Variants in CNTN4 observed in about 807,000 individuals in gnomAD.
CNTN4 encodes the protein contactin 4.
Under a neutral mutation model 122.5 loss-of-function variants are expected in CNTN4, and 77 were observed. The observed-to-expected ratio is 0.63, with a 90% CI of 0.52 to 0.76. The LOEUF (loss-of-function observed/expected upper bound fraction) is 0.76. Among genes scored for constraint, CNTN4 ranks in the 30% least tolerant of loss-of-function variants. The pLI is 0.00. For missense variants in CNTN4, 1,256 were observed against 1,259.1 expected (o/e 1.00, Z 0.04); for synonymous variants, 512 against 447.0 (o/e 1.15, Z -1.83).
At chr3:2,782,256 G>A (rs1304023365) in intron 6 of CNTN4, among the ~76,000 whole-genome samples, 1 of 151,472 alleles carries the variant, frequency 6.6e-6, no homozygotes, top group African/African-American at 2.4e-5. Context: ...CGTTTTAAGA[G>A]CCCTGGTTGA....
At chr3:2,842,492 C>A (rs2093380111) in intron 7 of CNTN4, among the ~76,000 whole-genome samples, 1 of 146,634 alleles carries the variant, frequency 6.8e-6, no homozygotes, top group Non-Finnish European at 1.5e-5. Flanking sequence ...TGCATCGGAA[C>A]AATGTGGCAA....
chr3:2,229,455 C>G (rs2039403999), intron 2 of CNTN4, among the ~76,000 whole-genome samples: 1 of 152,058 alleles, frequency 6.6e-6, no homozygotes. Context: ...CATGAGGCTT[C>G]TTGAATAGGC....
At chr3:2,814,970 TC>T (rs2092694330) in intron 6 of CNTN4, among the ~76,000 whole-genome samples, 1 of 152,198 alleles carries the variant, frequency 6.6e-6, no homozygotes. Flanking sequence ...CAGAGCATTA[TC>T]CATAATGTAT....
chr3:2,665,166 G>A (rs893621394), intron 4 of CNTN4, among the ~76,000 whole-genome samples: 2 of 152,182 alleles, frequency 1.3e-5, no homozygotes, highest in African/African-American at 4.8e-5. Context: ...AGAAGAACCT[G>A]ATTTGTTAAT....
At chr3:2,424,997 A>G (rs943414097) in intron 3 of CNTN4, among the ~76,000 whole-genome samples, 5 of 152,136 alleles carry the variant, frequency 3.3e-5, no homozygotes, top group African/African-American at 9.7e-5. Context: ...TAGATTGCAA[A>G]AATTTTCTCC....
At chr3:2,601,045 G>A (rs1458019246) in intron 4 of CNTN4, among the ~76,000 whole-genome samples, 1 of 152,112 alleles carries the variant, frequency 6.6e-6, no homozygotes, top group African/African-American at 2.4e-5. Context: ...TTTTGATGGG[G>A]TTGTTGTATT....
intron 2 of CNTN4, among the ~76,000 whole-genome samples, chr3:2,114,820 A>G (rs2033227726): frequency 6.6e-6 from 1 of 152,200 alleles, no homozygotes. Flanking sequence ...CTGCTGACCA[A>G]TATATTTTCT....
chr3:3,040,000 A>G, intron 19 of CNTN4, 37 bp from the exon 20 acceptor site: 2 of 1,402,080 alleles, frequency 1.4e-6, no homozygotes, highest in Admixed American at 1.7e-5. Context: ...GAGTGAAACT[A>G]CTGTGATTTC....
chr3:2,823,570 T>C (rs550368471), intron 7 of CNTN4, among the ~76,000 whole-genome samples: 53 of 152,326 alleles, frequency 3.5e-4, no homozygotes, highest in African/African-American at 1.3e-3. Flanking sequence ...TTTGATGGAC[T>C]CTGGCTATCC....
chr3:2,236,119 G>C (rs1327773727), intron 2 of CNTN4, among the ~76,000 whole-genome samples: 1 of 152,148 alleles, frequency 6.6e-6, no homozygotes, highest in Non-Finnish European at 1.5e-5. Flanking sequence ...TATTATGAAA[G>C]CACTGTGTAG....
intron 2 of CNTN4, among the ~76,000 whole-genome samples, chr3:2,171,624 C>T (rs1476678192): frequency 6.6e-6 from 1 of 152,132 alleles, no homozygotes; most frequent in African/African-American, 2.4e-5. Context: ...GATTGAGATC[C>T]TAAGCCAAAC....
chr3:2,240,745 A>G (rs983081390), intron 2 of CNTN4, among the ~76,000 whole-genome samples: 1 of 152,152 alleles, frequency 6.6e-6, no homozygotes, highest in Non-Finnish European at 1.5e-5. Context: ...CATCATTTTT[A>G]AAATTTAGTT....
intron 14 of CNTN4, among the ~76,000 whole-genome samples, chr3:3,019,909 G>T (rs781699045): frequency 6.6e-5 from 10 of 150,956 alleles, no homozygotes; most frequent in Non-Finnish European, 1.2e-4. Context: ...GTATATGAAG[G>T]TGAAAGAGTT....
At chr3:2,695,924 A>AG (rs1462854453) in intron 4 of CNTN4, among the ~76,000 whole-genome samples, 1 of 152,172 alleles carries the variant, frequency 6.6e-6, no homozygotes, top group Non-Finnish European at 1.5e-5. Flanking sequence ...ATAGGGTGGT[A>AG]GGGGTGGGGG....
chr3:2,127,623 C>T (rs1038240050), intron 2 of CNTN4, among the ~76,000 whole-genome samples: 1 of 151,346 alleles, frequency 6.6e-6, no homozygotes, highest in Non-Finnish European at 1.5e-5. Context: ...ACACTCCTGC[C>T]AAGAATGCCC....
Position 2,849,226 on chromosome 3 carries a change from G to C in CNTN4, c.455-17526G>C, listed in dbSNP as rs117391666. Among the ~76,000 whole-genome samples the C allele has an allele frequency of 6.0e-4, 91 of 152,250 alleles. 1 individual carries two copies. In the East Asian group the frequency reaches 0.013, roughly 22 times the overall value. On this transcript the variant is annotated intron_variant, in intron 7 of 24. Transcript: ENST00000418658. Reference sequence around the variant, plus strand: ...GTCCCTAGTGCCAAGAAGAATGCCTGAACCTAATAGGCCCACATGAAGCAT... The same window carrying C: ...GTCCCTAGTGCCAAGAAGAATGCCTCAACCTAATAGGCCCACATGAAGCAT...
chr3:2,827,515 T>C (rs1358412635), intron 7 of CNTN4, among the ~76,000 whole-genome samples: 1 of 152,260 alleles, frequency 6.6e-6, no homozygotes, highest in African/African-American at 2.4e-5. Flanking sequence ...TTGATTTACA[T>C]TCATGTAACA....
intron 12 of CNTN4, among the ~76,000 whole-genome samples, chr3:2,907,310 C>T (rs1036969649): frequency 3.3e-5 from 5 of 152,226 alleles, no homozygotes; most frequent in East Asian, 3.9e-4. Context: ...TAGTGGCTCA[C>T]GCCTGTAATC....
intron 4 of CNTN4, among the ~76,000 whole-genome samples, chr3:2,658,186 C>A (rs368862928): frequency 6.6e-6 from 1 of 151,638 alleles, no homozygotes; most frequent in Non-Finnish European, 1.5e-5. Context: ...CCTTTTGCAG[C>A]GGGGAGGAGC....
Sources: allele counts gnomAD v4.1 joint callset (sites outside exome capture counted in the v4.1 genomes callset), GRCh38; gene constraint gnomAD v4.1.1; transcripts MANE v1.5; gene names NCBI Gene and HGNC (gene_info 2026-07-23, HGNC 2026-07-21).